DNAH8: variants seen among roughly 807,000 people sequenced by gnomAD.
DNAH8 encodes the protein dynein axonemal heavy chain 8.
A neutral mutation model predicts 562.1 loss-of-function variants in DNAH8; 382 were observed. That is an observed-to-expected ratio of 0.68 (90% CI 0.63 to 0.74). The LOEUF (loss-of-function observed/expected upper bound fraction) is 0.74, where lower values mean the gene tolerates loss of function less well. DNAH8 is among the 30% of genes least tolerant of loss of function. The pLI is 0.00. For synonymous variants in DNAH8, 1,881 were observed against 1,919.4 expected (o/e 0.98, Z 0.52); for missense variants, 5,203 against 5,620.4 (o/e 0.93, Z 2.37).
chr6:38,910,308 C>CT (rs933580968), intron 65 of DNAH8, among the ~76,000 whole-genome samples: 44 of 152,264 alleles, frequency 2.9e-4, no homozygotes, highest in African/African-American at 8.7e-4. Context: ...AAAAACACAG[C>CT]TTTTTTCCCC....
chr6:38,873,288 A>G lies in DNAH8; in HGVS notation c.7532A>G (p.Tyr2511Cys). ...AQEAAVFLTL[Y>C]EKVFEDTYTY... ...GAAGCTGCTGTATTCCTGACACTGT[A>G]TGAGAAAGTCTTTGAAGATACATAC... The change falls in exon 52 of 93, where the codon TAT becomes TGT. Residue 2511 changes from tyrosine to cysteine, a missense_variant. Transcript: ENST00000327475. 6.2e-7 allele frequency: 1 copy of G among 1,613,812 alleles called. No individual in the cohort carries two copies. Among genetic ancestry groups the G allele is most frequent in the Non-Finnish European group, 8.5e-7 (1 of 1,179,946 alleles).
intron 71 of DNAH8, among the ~76,000 whole-genome samples, chr6:38,922,530 T>C (rs1005373892): frequency 1.3e-5 from 2 of 152,164 alleles, no homozygotes; most frequent in African/African-American, 4.8e-5. Context: ...TTTAATATAA[T>C]TTTTTAATTG....
chr6:38,781,524 G>A, intron 16 of DNAH8, 151 bp downstream of exon 16: 1 of 911,930 alleles, frequency 1.1e-6, no homozygotes, highest in Non-Finnish European at 1.6e-6. Flanking sequence ...AAATATACTT[G>A]AGAGAGACAA....
chr6:38,960,947 CA>C (rs1277312661), intron 82 of DNAH8, among the ~76,000 whole-genome samples: 3 of 151,828 alleles, frequency 2.0e-5, no homozygotes, highest in Non-Finnish European at 4.4e-5. Flanking sequence ...TACCCATCAC[CA>C]AATGAATGGA....
intron 32 of DNAH8, among the ~76,000 whole-genome samples, chr6:38,835,664 A>G (rs149921662): frequency 3.0e-4 from 45 of 152,258 alleles, no homozygotes; most frequent in African/African-American, 1.0e-3. Flanking sequence ...TAGTAGGGCA[A>G]TATGGGGAGA....
intron 85 of DNAH8, among the ~76,000 whole-genome samples, chr6:38,977,166 G>A (rs1482534470): frequency 1.3e-5 from 2 of 152,220 alleles, no homozygotes; most frequent in Non-Finnish European, 2.9e-5. Flanking sequence ...CAGAAGAGTG[G>A]TGGAGGGCGT....
chr6:38,756,115 G>A (rs776522061), intron 10 of DNAH8, 36 bp downstream of exon 10: 2 of 1,303,418 alleles, frequency 1.5e-6, no homozygotes, highest in Non-Finnish European at 2.2e-6. Flanking sequence ...ATGTCATCCT[G>A]TGAAAAAGTT....
intron 24 of DNAH8, among the ~76,000 whole-genome samples, chr6:38,812,670 G>T (rs1562872132): frequency 1.3e-5 from 2 of 151,830 alleles, no homozygotes; most frequent in East Asian, 1.9e-4. Context: ...TTCACAAATT[G>T]TATGTTTAGA....
chr6:38,868,110 C>G lies in DNAH8; in HGVS notation c.6742C>G (p.Leu2248Val), dbSNP rs1233417584. Residue 2248 changes from leucine to valine, a missense_variant, in exon 48 of 93, where the codon CTT becomes GTT. Leu to Val is a conservative substitution (Grantham distance 32, BLOSUM62 1). Transcript: ENST00000327475. ...AAATATTCTGTCTGTATTGAGGACT[C>G]TTGGATCTCAAAAAAGAGCCAGACC... is the stretch of plus-strand genomic sequence containing the variant. Reference protein sequence around the residue: ...LRNILSVLRTLGSQKRARPED... With the variant: ...LRNILSVLRTVGSQKRARPED... 1.2e-6 allele frequency: 2 copies of G among 1,613,672 alleles called. No individual in the cohort carries two copies. The highest frequency in any genetic ancestry group is 2.2e-5 in the South Asian group (2 of 91,040).
At chr6:38,717,247 G>A (rs1017157526) in intron 1 of DNAH8, among the ~76,000 whole-genome samples, 6 of 152,180 alleles carry the variant, frequency 3.9e-5, no homozygotes, top group African/African-American at 1.4e-4. Flanking sequence ...AACAAGTGTT[G>A]ATGCCACATT....
chr6:38,958,865 C>T (rs1583457199), intron 82 of DNAH8, among the ~76,000 whole-genome samples: 1 of 151,998 alleles, frequency 6.6e-6, no homozygotes, highest in South Asian at 2.1e-4. Flanking sequence ...GGCTGATATC[C>T]CTGATGAACA....
chr6:38,989,610 G>A (rs1764642661), intron 87 of DNAH8, among the ~76,000 whole-genome samples: 1 of 152,170 alleles, frequency 6.6e-6, no homozygotes, highest in African/African-American at 2.4e-5. Context: ...TCTGGTATGA[G>A]CCCCATGTCG....
chr6:38,868,295 CATAATTACAGGG>C (rs2150423280), intron 48 of DNAH8, 99 bp downstream of exon 48: 1 of 1,187,464 alleles, frequency 8.4e-7, no homozygotes, highest in East Asian at 2.5e-5. Context: ...TGTGAGCACC[CATAATTACAGGG>C]ATAATAAGTG....
chr6:39,022,724 A>G (rs1767011300), intron 91 of DNAH8, among the ~76,000 whole-genome samples: 1 of 152,052 alleles, frequency 6.6e-6, no homozygotes, highest in Non-Finnish European at 1.5e-5. Flanking sequence ...AGGGGTGCAC[A>G]TGTTCCCCTT....
At chr6:38,769,727 C>T (rs1038616179) in intron 11 of DNAH8, among the ~76,000 whole-genome samples, 2 of 152,044 alleles carry the variant, frequency 1.3e-5, no homozygotes, top group Non-Finnish European at 2.9e-5. Context: ...CCCAAGTGGG[C>T]CCAATGTTTA....
intron 71 of DNAH8, among the ~76,000 whole-genome samples, chr6:38,922,046 CAGGCCA>C (rs1561865500): frequency 1.4e-5 from 1 of 69,562 alleles, no homozygotes; most frequent in African/African-American, 3.3e-5. Context: ...AAGGCAGGAA[CAGGCCA>C]TTTTCACTTC....
intron 74 of DNAH8, among the ~76,000 whole-genome samples, chr6:38,927,878 C>T (rs577254257): frequency 6.6e-6 from 1 of 152,304 alleles, no homozygotes; most frequent in Admixed American, 6.5e-5. Context: ...GAAACTCTTC[C>T]TTATTTTAAA....
At chr6:38,796,899 CTG>C (rs1020818223) in intron 21 of DNAH8, among the ~76,000 whole-genome samples, 2 of 152,186 alleles carry the variant, frequency 1.3e-5, no homozygotes, top group African/African-American at 4.8e-5. Flanking sequence ...TACACTTTAA[CTG>C]TGTTTAACCC....
intron 53 of DNAH8, among the ~76,000 whole-genome samples, chr6:38,877,768 T>C (rs1778140761): frequency 6.6e-6 from 1 of 152,162 alleles, no homozygotes; most frequent in Non-Finnish European, 1.5e-5. Context: ...GACTTATGCT[T>C]CCAGCGAAGA....
Sources: gnomAD v4.1 joint callset for allele counts (sites outside exome capture counted in the v4.1 genomes callset) on GRCh38, gnomAD v4.1.1 for gene constraint, MANE v1.5 for transcripts, NCBI Gene and HGNC (gene_info 2026-07-23, HGNC 2026-07-21) for gene names.